PTPRD: variants seen among roughly 807,000 people sequenced by gnomAD.
The protein encoded by PTPRD is receptor-type tyrosine-protein phosphatase delta.
Under a neutral mutation model 214.5 loss-of-function variants are expected in PTPRD, and 34 were observed. The observed-to-expected ratio is 0.16, with a 90% CI of 0.12 to 0.21. PTPRD has a LOEUF of 0.21. Among genes scored for constraint, PTPRD ranks in the 10% least tolerant of loss-of-function variants. The pLI is 1.00. For missense variants in PTPRD, 2,545 were observed against 2,398.7 expected (o/e 1.06, Z -1.27); for synonymous variants, 1,128 against 845.7 (o/e 1.33, Z -5.79).
Position 9,989,016 on chromosome 9 carries a change from CAAAAAAAAAAA to C in PTPRD, c.-472+44691_-472+44701del, listed in dbSNP as rs397836899. Among the ~76,000 whole-genome samples, 45 of 36,288 alleles carry C rather than the reference CAAAAAAAAAAA, an allele frequency of 1.2e-3. No homozygotes were observed. The South Asian group carries it at 0.064, about 52-fold the overall frequency. The allele number at this position is 36,288 out of a possible 152,430, so 23.8% of individuals were successfully genotyped here. On this transcript the variant is annotated intron_variant, in intron 4 of 45. Transcript: ENST00000381196. Reference sequence around the variant, plus strand: ...CAGAAGAGCCCTTAGTTTCACTGACCAAAAAAAAAAAAAAAAAAAAAAAAAAAAACCACAGA... The same window carrying C: ...CAGAAGAGCCCTTAGTTTCACTGACCAAAAAAAAAAAAAAAAAACCACAGA...
intron 10 of PTPRD, among the ~76,000 whole-genome samples, chr9:9,118,489 T>C (rs560721048): frequency 1.6e-4 from 25 of 152,324 alleles, no homozygotes; most frequent in African/African-American, 5.8e-4. Flanking sequence ...ATCTACTTTT[T>C]AGGAAGGTCT....
intron 13 of PTPRD, among the ~76,000 whole-genome samples, chr9:8,634,279 C>G (rs1337018293): frequency 6.6e-6 from 1 of 151,640 alleles, no homozygotes; most frequent in Non-Finnish European, 1.5e-5. Context: ...AATATGTATA[C>G]AATATTATGG....
chr9:8,579,910 C>A (rs943668420), intron 14 of PTPRD, among the ~76,000 whole-genome samples: 1 of 152,162 alleles, frequency 6.6e-6, no homozygotes, highest in Non-Finnish European at 1.5e-5. Context: ...ACAGTTCCCT[C>A]TTTTTGCCAC....
At chr9:9,455,826 G>C (rs1380428213) in intron 8 of PTPRD, among the ~76,000 whole-genome samples, 2 of 151,748 alleles carry the variant, frequency 1.3e-5, no homozygotes, top group African/African-American at 4.8e-5. Flanking sequence ...AGTTCAAACA[G>C]AATAAGCAAA....
At chr9:8,414,970 AGAG>A (rs1564642492) in intron 35 of PTPRD, among the ~76,000 whole-genome samples, 3 of 146,632 alleles carry the variant, frequency 2.0e-5, no homozygotes, top group African/African-American at 7.7e-5. Context: ...AGAGAGAGAG[AGAG>A]ACAGACAGAC....
intron 5 of PTPRD, among the ~76,000 whole-genome samples, chr9:9,909,601 A>T (rs1396636952): frequency 1.3e-5 from 2 of 151,928 alleles, no homozygotes; most frequent in African/African-American, 4.8e-5. Context: ...AATATGGGGC[A>T]GTTTAATTGG....
At chr9:9,677,778 C>T (rs1047625891) in intron 7 of PTPRD, among the ~76,000 whole-genome samples, 129 of 152,094 alleles carry the variant, frequency 8.5e-4, no homozygotes, top group African/African-American at 2.7e-3. Flanking sequence ...GAAGTCAAAT[C>T]GTCCCTGTTT....
intron 10 of PTPRD, among the ~76,000 whole-genome samples, chr9:9,024,536 C>T (rs1889818): frequency 6.6e-6 from 1 of 151,284 alleles, no homozygotes. Context: ...ATTTATCACT[C>T]CTACAAGCAA....
chr9:9,306,829 A>C (rs2135242877), intron 9 of PTPRD, among the ~76,000 whole-genome samples: 1 of 152,290 alleles, frequency 6.6e-6, no homozygotes, highest in East Asian at 1.9e-4. Context: ...TTACTATTAT[A>C]ATCCAAATCG....
At chr9:9,724,397 C>T (rs1031272027) in intron 7 of PTPRD, among the ~76,000 whole-genome samples, 15 of 152,116 alleles carry the variant, frequency 9.9e-5, no homozygotes, top group Non-Finnish European at 1.9e-4. Context: ...AAGTTGTGTG[C>T]TTAATAGGCC....
At chr9:9,191,030 C>T (rs982028382) in intron 9 of PTPRD, among the ~76,000 whole-genome samples, 1 of 152,072 alleles carries the variant, frequency 6.6e-6, no homozygotes, top group African/African-American at 2.4e-5. Context: ...AACCTCCTCC[C>T]CTTGAATGTA....
At chr9:8,661,106 T>C (rs910235133) in intron 12 of PTPRD, among the ~76,000 whole-genome samples, 1 of 152,108 alleles carries the variant, frequency 6.6e-6, no homozygotes, top group African/African-American at 2.4e-5. Flanking sequence ...AGTTCAGATA[T>C]TGTATCTATA....
intron 10 of PTPRD, among the ~76,000 whole-genome samples, chr9:9,168,964 G>C (rs1271576848): frequency 2.6e-5 from 4 of 151,300 alleles, no homozygotes; most frequent in Non-Finnish European, 5.9e-5. Flanking sequence ...AAATAATTTG[G>C]ATATATACTT....
At chr9:10,470,316 A>G (rs931288047) in intron 2 of PTPRD, among the ~76,000 whole-genome samples, 8 of 152,172 alleles carry the variant, frequency 5.3e-5, no homozygotes, top group Non-Finnish European at 1.0e-4. Context: ...AGACTCAAAA[A>G]TAGCAATATA....
In PTPRD at chr9:8,748,522, CAAAAAAAAAAA is replaced by C. The variant is rs1239091825; in HGVS notation, c.-103-14587_-103-14577del. Among the ~76,000 whole-genome samples, 4 of 37,862 alleles carry C rather than the reference CAAAAAAAAAAA, an allele frequency of 1.1e-4. No homozygotes were observed. In the East Asian group the frequency reaches 2.3e-3, roughly 22 times the overall value. The allele number at this position is 37,862 out of a possible 152,430, so 24.8% of individuals were successfully genotyped here. A position where few individuals can be genotyped will look rare whatever the true frequency, so the allele number is the denominator to read the frequency against. On this transcript the variant is annotated intron_variant, in intron 11 of 45. Coordinates refer to ENST00000381196, the MANE Select transcript of PTPRD (RefSeq NM_002839.4). ...TTCACTCTATTAAATCCTGCAACTG[CAAAAAAAAAAA>C]AAAAAAAGAAAAAGAAAAAGAAAAA... is the stretch of plus-strand genomic sequence containing the variant.
intron 9 of PTPRD, among the ~76,000 whole-genome samples, chr9:9,338,062 TC>T (rs2045286048): frequency 1.3e-5 from 2 of 152,218 alleles, no homozygotes; most frequent in South Asian, 4.1e-4. Context: ...TACAAATTGC[TC>T]CATTCAAATA....
intron 12 of PTPRD, among the ~76,000 whole-genome samples, chr9:8,682,862 C>T (rs1404247642): frequency 6.6e-6 from 1 of 152,064 alleles, no homozygotes; most frequent in Non-Finnish European, 1.5e-5. Flanking sequence ...TTTTGCTGTT[C>T]CTTTCTGAGT....
At chr9:9,142,439 G>A (rs1267998764) in intron 10 of PTPRD, among the ~76,000 whole-genome samples, 1 of 152,224 alleles carries the variant, frequency 6.6e-6, no homozygotes, top group African/African-American at 2.4e-5. Context: ...CTAATGCAAT[G>A]ACGGGTAAGT....
At chr9:9,564,529 G>T (rs1016452839) in intron 8 of PTPRD, among the ~76,000 whole-genome samples, 1 of 152,006 alleles carries the variant, frequency 6.6e-6, no homozygotes, top group African/African-American at 2.4e-5. Context: ...ACTTTTATCA[G>T]ATTTACTAGA....
Sources: gnomAD v4.1 joint callset for allele counts (sites outside exome capture counted in the v4.1 genomes callset) on GRCh38, gnomAD v4.1.1 for gene constraint, MANE v1.5 for transcripts, NCBI Gene and HGNC (gene_info 2026-07-23, HGNC 2026-07-21) for gene names.